NXPH1: variants seen among roughly 807,000 people sequenced by gnomAD.
The protein encoded by NXPH1 is neurexophilin-1.
NXPH1 carries 5 observed loss-of-function variants against 23.7 expected under a neutral mutation model. The observed-to-expected ratio is 0.21, with a 90% CI of 0.11 to 0.44. The LOEUF is 0.44. Ranked by LOEUF, NXPH1 falls within the 20% of genes least tolerant of loss-of-function variation. The pLI is 0.99. For missense variants in NXPH1, 324 were observed against 321.6 expected (o/e 1.01, Z -0.06); for synonymous variants, 144 against 122.2 (o/e 1.18, Z -1.18).
intron 2 of NXPH1, among the ~76,000 whole-genome samples, chr7:8,554,557 T>A (rs980806757): frequency 6.6e-6 from 1 of 151,756 alleles, no homozygotes; most frequent in African/African-American, 2.4e-5. Flanking sequence ...TAATATGTGT[T>A]ATCTATGTTC....
chr7:8,535,606 G>T (rs1818014763), intron 2 of NXPH1, among the ~76,000 whole-genome samples: 1 of 151,824 alleles, frequency 6.6e-6, no homozygotes, highest in African/African-American at 2.4e-5. Context: ...TCAGAGTCTA[G>T]TAAGGGAAGA....
chr7:8,605,169 G>A (rs1394622703), intron 2 of NXPH1, among the ~76,000 whole-genome samples: 2 of 152,082 alleles, frequency 1.3e-5, no homozygotes, highest in Non-Finnish European at 2.9e-5. Flanking sequence ...TATTTGATGT[G>A]TGGAAAATGA....
At chr7:8,544,252 A>G (rs111303673) in intron 2 of NXPH1, among the ~76,000 whole-genome samples, 16,981 of 151,610 alleles carry the variant, frequency 0.11, 1,215 homozygotes, top group African/African-American at 0.21. Context: ...CTTAGATTCA[A>G]TACTTCTTTG....
intron 2 of NXPH1, among the ~76,000 whole-genome samples, chr7:8,542,623 G>A (rs1025928954): frequency 6.6e-6 from 1 of 151,542 alleles, no homozygotes; most frequent in African/African-American, 2.4e-5. Context: ...ACAAAAACTA[G>A]TTTCTCTGAC....
At chr7:8,640,784 T>C (rs1820295684) in intron 2 of NXPH1, among the ~76,000 whole-genome samples, 1 of 151,982 alleles carries the variant, frequency 6.6e-6, no homozygotes, top group South Asian at 2.1e-4. Context: ...TAGGGAGACC[T>C]CATGACTACA....
chr7:8,617,620 G>C (rs1043462653), intron 2 of NXPH1, among the ~76,000 whole-genome samples: 1 of 152,042 alleles, frequency 6.6e-6, no homozygotes, highest in African/African-American at 2.4e-5. Flanking sequence ...AATTGAACTA[G>C]TGGACATAGA....
At chr7:8,648,388 T>A (rs6415291) in intron 2 of NXPH1, among the ~76,000 whole-genome samples, 2 of 152,050 alleles carry the variant, frequency 1.3e-5, no homozygotes, top group Admixed American at 6.5e-5. Context: ...GATTTTTAGA[T>A]CCCACAGATA....
intron 2 of NXPH1, among the ~76,000 whole-genome samples, chr7:8,732,423 T>C (rs1780174091): frequency 6.6e-6 from 1 of 152,234 alleles, no homozygotes; most frequent in Non-Finnish European, 1.5e-5. Context: ...AGCTAAAAAT[T>C]TGTCTATTAC....
At chr7:8,569,183 T>C (rs1230388262) in intron 2 of NXPH1, among the ~76,000 whole-genome samples, 2 of 151,800 alleles carry the variant, frequency 1.3e-5, no homozygotes, top group Non-Finnish European at 2.9e-5. Flanking sequence ...CTATGAAAGT[T>C]TTGCAAAAAT....
intron 2 of NXPH1, among the ~76,000 whole-genome samples, chr7:8,696,693 A>G (rs766038806): frequency 9.2e-5 from 14 of 152,030 alleles, no homozygotes; most frequent in Non-Finnish European, 1.3e-4. Context: ...AGTTGTATAG[A>G]GAGAGTAGAA....
intron 2 of NXPH1, among the ~76,000 whole-genome samples, chr7:8,436,540 T>C (rs1449325453): frequency 6.6e-6 from 1 of 152,184 alleles, no homozygotes; most frequent in African/African-American, 2.4e-5. Context: ...CGGCTCCTGG[T>C]TGAAGAGCTT....
intron 2 of NXPH1, among the ~76,000 whole-genome samples, chr7:8,472,761 AT>A (rs1374994930): frequency 2.6e-5 from 4 of 152,192 alleles, no homozygotes; most frequent in Non-Finnish European, 5.9e-5. Context: ...TGCTGAAGGA[AT>A]TGACTCATTA....
chr7:8,455,089 G>A (rs923119712), intron 2 of NXPH1, among the ~76,000 whole-genome samples: 2 of 152,052 alleles, frequency 1.3e-5, no homozygotes, highest in African/African-American at 2.4e-5. Flanking sequence ...TTGTGTCTTA[G>A]ATTATCAGAG....
At chr7:8,714,245 G>C (rs1392383656) in intron 2 of NXPH1, among the ~76,000 whole-genome samples, 1 of 152,014 alleles carries the variant, frequency 6.6e-6, no homozygotes, top group African/African-American at 2.4e-5. Flanking sequence ...AGTATTGCCA[G>C]GCTACCACTG....
intron 2 of NXPH1, among the ~76,000 whole-genome samples, chr7:8,469,958 C>T (rs1420530190): frequency 4.6e-5 from 7 of 152,266 alleles, no homozygotes; most frequent in East Asian, 1.9e-4. Context: ...CTAATTCTGA[C>T]TGCTTCCAAA....
intron 2 of NXPH1, among the ~76,000 whole-genome samples, chr7:8,616,112 G>C (rs1337508644): frequency 6.6e-6 from 1 of 151,920 alleles, no homozygotes; most frequent in Non-Finnish European, 1.5e-5. Context: ...TTCTTATTTT[G>C]TTTTATAGAC....
At chr7:8,626,134 C>T (rs1053655663) in intron 2 of NXPH1, among the ~76,000 whole-genome samples, 3 of 151,840 alleles carry the variant, frequency 2.0e-5, no homozygotes, top group African/African-American at 4.8e-5. Flanking sequence ...TCCTTAAGCA[C>T]GTGGACTTCA....
intron 2 of NXPH1, among the ~76,000 whole-genome samples, chr7:8,452,829 G>T (rs1816530829): frequency 6.6e-6 from 1 of 152,096 alleles, no homozygotes; most frequent in African/African-American, 2.4e-5. Context: ...ATTGATACTA[G>T]AGCCACTTCA....
chr7:8,464,059 T>C (rs1399539145), intron 2 of NXPH1, among the ~76,000 whole-genome samples: 1 of 152,160 alleles, frequency 6.6e-6, no homozygotes, highest in Non-Finnish European at 1.5e-5. Context: ...TTAGTGGCTC[T>C]TAAGTGCTCC....
Sources: gnomAD v4.1 joint callset for allele counts (sites outside exome capture counted in the v4.1 genomes callset) on GRCh38, gnomAD v4.1.1 for gene constraint, MANE v1.5 for transcripts, NCBI Gene and HGNC (gene_info 2026-07-23, HGNC 2026-07-21) for gene names.